RYR3: variants seen among roughly 807,000 people sequenced by gnomAD.
RYR3 encodes brain ryanodine receptor-calcium release channel.
Under a neutral mutation model 584.3 loss-of-function variants are expected in RYR3, and 207 were observed. The observed-to-expected ratio is 0.35, with a 90% CI of 0.32 to 0.40. The LOEUF is 0.40. Among genes scored for constraint, RYR3 ranks in the 10% least tolerant of loss-of-function variants. The pLI is 1.00. For missense variants in RYR3, 5,616 were observed against 6,089.2 expected, an observed-to-expected ratio of 0.92 and a Z score of 2.59; for synonymous variants, 2,416 against 2,248.5, an observed-to-expected ratio of 1.07 and a Z score of -2.11.
chr15:33,653,791 C>A (rs1466713007), intron 32 of RYR3, among the ~76,000 whole-genome samples: 1 of 152,092 alleles, frequency 6.6e-6, no homozygotes, highest in Non-Finnish European at 1.5e-5. Flanking sequence ...TGTCATTAAC[C>A]ACAAGCAGCC....
At chr15:33,597,193 T>C (rs1378780466) in intron 16 of RYR3, among the ~76,000 whole-genome samples, 1 of 152,226 alleles carries the variant, frequency 6.6e-6, no homozygotes, top group Non-Finnish European at 1.5e-5. Flanking sequence ...TTTTGACACC[T>C]TACAGTATTT....
intron 1 of RYR3, among the ~76,000 whole-genome samples, chr15:33,428,112 G>A (rs1010855485): frequency 6.6e-6 from 1 of 152,142 alleles, no homozygotes; most frequent in Admixed American, 6.5e-5. Context: ...CTTTGTCTTT[G>A]GTTTGTGGTA....
intron 99 of RYR3, among the ~76,000 whole-genome samples, chr15:33,858,442 G>C (rs2153010057): frequency 6.6e-6 from 1 of 152,014 alleles, no homozygotes; most frequent in African/African-American, 2.4e-5. Flanking sequence ...CCCGACCTCA[G>C]GTGATCTGCC....
intron 57 of RYR3, among the ~76,000 whole-genome samples, chr15:33,754,653 C>T (rs1388079177): frequency 2.0e-5 from 3 of 152,104 alleles, no homozygotes; most frequent in Non-Finnish European, 4.4e-5. Context: ...GCGCGGTGGC[C>T]GGCCTTTCTG....
At position 33,772,113 on chromosome 15, in the gene RYR3, A is replaced by G. The variant is rs1357410953; in HGVS notation, c.9010A>G (p.Ile3004Val). Residue 3004 changes from isoleucine to valine, a missense_variant, in exon 63 of 104, where the codon ATC (isoleucine) becomes GTC (valine). This residue lies in a region of RYR3 where 954 missense variants were observed against 1,132.2 expected (regional missense o/e 0.84). Coordinates refer to ENST00000634891, the MANE Select transcript of RYR3 (RefSeq NM_001036.6). ...GGCTCTGCTCCCCATCCTGACGTCCATCTTTGAGCACGTCACTCAGCATCA... is the reference window on the plus strand; with the variant it reads ...GGCTCTGCTCCCCATCCTGACGTCCGTCTTTGAGCACGTCACTCAGCATCA... ...TVALLPILTS[I>V]FEHVTQHQFG... 5.0e-6 allele frequency: 8 copies of G among 1,613,512 alleles called. No homozygotes were observed. Among genetic ancestry groups the G allele is most frequent in the East Asian group, 4.5e-5 (2 of 44,872 alleles).
In RYR3 at chr15:33,655,707, A is replaced by T. The variant is rs965308655; in HGVS notation, c.4308+2824A>T. 5.3e-5 allele frequency among the ~76,000 whole-genome samples: 8 copies of T among 152,338 alleles called. No homozygotes were observed. The East Asian group carries it at 7.7e-4, about 15-fold the overall frequency. The stretch of plus-strand genomic sequence containing the variant: ...AGAATGCTGCCGCAAAGGAGACAGT[A>T]TCAGGACTCTGTCCAGAAACCTGAG... On this transcript the variant is annotated intron_variant, in intron 32 of 103. Coordinates refer to ENST00000634891, the MANE Select transcript of RYR3 (RefSeq NM_001036.6).
At chr15:33,507,279 G>A (rs528968850) in intron 3 of RYR3, among the ~76,000 whole-genome samples, 11 of 152,310 alleles carry the variant, frequency 7.2e-5, no homozygotes, top group South Asian at 4.2e-4. Context: ...CAGCAAAGAG[G>A]TTTCTTTATT....
rs147505882 is a variant in RYR3 at position 33,524,657 on chromosome 15, C to T, written c.280-5935C>T. Reference sequence around the variant, plus strand: ...TGGAATCTCATCAGCTAAATTGCAACTCTGATAGCATTAAGCTTTTTTTTC... The same window carrying T: ...TGGAATCTCATCAGCTAAATTGCAATTCTGATAGCATTAAGCTTTTTTTTC... On this transcript the variant is annotated intron_variant, in intron 3 of 103. Coordinates refer to ENST00000634891, the MANE Select transcript of RYR3 (RefSeq NM_001036.6). 4.0e-3 allele frequency among the ~76,000 whole-genome samples: 614 copies of T among 152,266 alleles called. 5 individuals carry two copies. Among genetic ancestry groups the T allele is most frequent in the Middle Eastern group, 0.01 (3 of 294 alleles).
chr15:33,485,097 T>G (rs1174730653), intron 2 of RYR3, among the ~76,000 whole-genome samples: 1 of 152,202 alleles, frequency 6.6e-6, no homozygotes, highest in Non-Finnish European at 1.5e-5. Context: ...AATAGGCATG[T>G]GTGTCATAGA....
intron 2 of RYR3, among the ~76,000 whole-genome samples, chr15:33,490,239 T>TA (rs1362081830): frequency 6.6e-6 from 1 of 152,212 alleles, no homozygotes; most frequent in Non-Finnish European, 1.5e-5. Flanking sequence ...CCAAAGCTTT[T>TA]AGAGGATGAG....
At position 33,696,308 on chromosome 15, in the gene RYR3, A is replaced by G. The variant is rs752964551; in HGVS notation, c.5951A>G (p.Asn1984Ser). 1.2e-6 allele frequency: 2 copies of G among 1,613,670 alleles called. No individual in the cohort carries two copies. Among genetic ancestry groups the G allele is most frequent in the Non-Finnish European group, 1.7e-6 (2 of 1,179,808 alleles). The change falls in exon 39 of 104, where the codon AAC becomes AGC. Residue 1984 changes from asparagine (N) to serine (S), a missense_variant. Coordinates refer to ENST00000634891, the MANE Select transcript of RYR3 (RefSeq NM_001036.6). The part of the protein sequence containing the change: ...QDSELVRMMF[N>S]LLRRQYDSIG... ...TCAGAGCTGGTCCGAATGATGTTCA[A>G]CCTCCTCCGGAGGCAGTATGACAGC...
At chr15:33,320,750 G>A (rs1196264965) in intron 1 of RYR3, among the ~76,000 whole-genome samples, 1 of 152,122 alleles carries the variant, frequency 6.6e-6, no homozygotes, top group East Asian at 1.9e-4. Flanking sequence ...ATCCATGTGA[G>A]GTACTTGGAA....
chr15:33,340,618 T>C (rs1001675402), intron 1 of RYR3, among the ~76,000 whole-genome samples: 2 of 152,218 alleles, frequency 1.3e-5, no homozygotes, highest in African/African-American at 4.8e-5. Context: ...TGTGTCCTCA[T>C]GTGGCCTTTT....
chr15:33,663,056 G>C (rs1596037340), intron 35 of RYR3, 108 bp downstream of exon 35: 1 of 910,554 alleles, frequency 1.1e-6, no homozygotes, highest in East Asian at 2.4e-5. Flanking sequence ...CAAGTGCTTG[G>C]CATAGTGACT....
chr15:33,855,479 C>T (rs1463233320), intron 98 of RYR3, among the ~76,000 whole-genome samples: 29 of 152,232 alleles, frequency 1.9e-4, no homozygotes. Flanking sequence ...GCTGGGATTA[C>T]AGGTGTGAGC....
At chr15:33,563,972 C>T (rs2057557547) in intron 11 of RYR3, among the ~76,000 whole-genome samples, 1 of 152,066 alleles carries the variant, frequency 6.6e-6, no homozygotes, top group South Asian at 2.1e-4. Flanking sequence ...GGATACAGTA[C>T]CTTCAAAAAA....
intron 14 of RYR3, among the ~76,000 whole-genome samples, chr15:33,584,079 A>T (rs1354330778): frequency 1.3e-5 from 2 of 152,000 alleles, no homozygotes; most frequent in Non-Finnish European, 2.9e-5. Context: ...AAACAAAAAA[A>T]ACTTAAAAAT....
chr15:33,420,570 GAAGTT>G (rs1567202114), intron 1 of RYR3, among the ~76,000 whole-genome samples: 1 of 152,094 alleles, frequency 6.6e-6, no homozygotes, highest in Non-Finnish European at 1.5e-5. Context: ...TTTTGCAGAC[GAAGTT>G]AAGGCACAAG....
intron 12 of RYR3, among the ~76,000 whole-genome samples, chr15:33,571,442 A>G (rs545047456): frequency 6.6e-5 from 10 of 152,278 alleles, no homozygotes; most frequent in Non-Finnish European, 1.3e-4. Flanking sequence ...TTCTACTTCA[A>G]TTCCATCAGT....
Sources: gnomAD v4.1 joint callset for allele counts (sites outside exome capture counted in the v4.1 genomes callset) on GRCh38, gnomAD v4.1.1 for gene constraint, gnomAD v4.1.1 regional missense constraint, MANE v1.5 for transcripts, NCBI Gene and HGNC (gene_info 2026-07-23, HGNC 2026-07-21) for gene names.